SCFD2: variants seen among roughly 807,000 people sequenced by gnomAD.
SCFD2 encodes the protein sec1 family domain containing 2, also known as sec1 family domain-containing protein 2.
A neutral mutation model predicts 58.9 loss-of-function variants in SCFD2; 54 were observed. The ratio of observed to expected loss-of-function variants is 0.92; its 90% CI spans 0.74 to 1.15. SCFD2 has a LOEUF of 1.15. Among genes scored for constraint, SCFD2 ranks in the 50% most tolerant of loss-of-function variants. The probability of loss-of-function intolerance (pLI) is 0.00; values close to 1 mark genes in which losing one functional copy is unlikely to be tolerated. For missense variants in SCFD2, 805 were observed against 836.6 expected (o/e 0.96, Z 0.47); for synonymous variants, 321 against 335.9 (o/e 0.96, Z 0.49).
At chr4:52,907,740 G>C (rs1719382832) in intron 6 of SCFD2, 149 bp from the exon 7 acceptor site, 1 of 660,002 alleles carries the variant, frequency 1.5e-6, no homozygotes, top group South Asian at 2.0e-5. Context: ...GTGTGTGTGT[G>C]TGTCACAGAA....
In SCFD2 at chr4:53,145,596, T is replaced by A. The variant is rs867755740; in HGVS notation, c.1312-14A>T. On this transcript the variant is annotated splice_polypyrimidine_tract_variant and intron_variant, in intron 4 of 8. Coordinates refer to ENST00000401642, the MANE Select transcript of SCFD2 (RefSeq NM_152540.4). ...CTCCCCAATGCTCTAAAATAAAAAATGATATGAAAATATGTCAATCTTGTA... is the reference window on the plus strand; with the variant it reads ...CTCCCCAATGCTCTAAAATAAAAAAAGATATGAAAATATGTCAATCTTGTA... The A allele has an allele frequency of 3.7e-6, 6 of 1,604,864 alleles. No homozygotes were observed. In the Middle Eastern group the frequency reaches 5.0e-4, roughly 133 times the overall value.
At chr4:53,040,961 T>C (rs578194957) in intron 5 of SCFD2, among the ~76,000 whole-genome samples, 7 of 152,304 alleles carry the variant, frequency 4.6e-5, no homozygotes, top group African/African-American at 1.7e-4. Context: ...AGTTTATTCA[T>C]TTCCCTTATT....
At chr4:53,127,943 GTT>G (rs111600729) in intron 5 of SCFD2, among the ~76,000 whole-genome samples, 12 of 87,362 alleles carry the variant, frequency 1.4e-4, no homozygotes, top group Non-Finnish European at 1.9e-4. Context: ...CCAGTTTTTT[GTT>G]TTTTTTTTTT....
rs570480094 is a variant in SCFD2 at position 53,343,644 on chromosome 4, C to T, written c.1007+8954G>A. ...CTGATATTAAAGCCGGGCATAGACACAACCAAAAAAGAGAATTTTAGACCA... is the reference window on the plus strand; with the variant it reads ...CTGATATTAAAGCCGGGCATAGACATAACCAAAAAAGAGAATTTTAGACCA... On this transcript the variant is annotated intron_variant, in intron 2 of 8. Transcript: ENST00000401642. Among the ~76,000 whole-genome samples the T allele has an allele frequency of 1.9e-3, 289 of 152,092 alleles. 2 individuals are homozygous for T. The highest frequency in any genetic ancestry group is 3.5e-3 in the Non-Finnish European group (235 of 68,024).
intron 5 of SCFD2, chr4:52,955,943 C>A (rs576921039): frequency 4.9e-6 from 2 of 405,406 alleles, no homozygotes; most frequent in South Asian, 3.7e-5. Flanking sequence ...AAGATAATCC[C>A]TTACATTAAC....
Position 53,069,756 on chromosome 4 carries a change from A to G in SCFD2, c.1561+75577T>C, listed in dbSNP as rs527756652. ...GACAGTAAAAATCACCTTTAATCCC[A>G]TCATCCCAAAATAGCTGCTACTATT... On this transcript the variant is annotated intron_variant, in intron 5 of 8. Coordinates refer to ENST00000401642, the MANE Select transcript of SCFD2 (RefSeq NM_152540.4). 1.1e-4 allele frequency among the ~76,000 whole-genome samples: 16 copies of G among 152,170 alleles called. No homozygotes were observed. The South Asian group carries it at 3.3e-3, about 32-fold the overall frequency.
chr4:53,225,567 T>A (rs980066072), intron 4 of SCFD2, among the ~76,000 whole-genome samples: 4 of 152,232 alleles, frequency 2.6e-5, no homozygotes, highest in Non-Finnish European at 4.4e-5. Flanking sequence ...TAACACCCTA[T>A]ATAAAATTTT....
intron 5 of SCFD2, among the ~76,000 whole-genome samples, chr4:52,972,636 A>G (rs1425610220): frequency 6.6e-6 from 1 of 152,132 alleles, no homozygotes; most frequent in African/African-American, 2.4e-5. Flanking sequence ...AGGATATCCA[A>G]GAATTGAACT....
chr4:52,900,222 C>A (rs190981303), intron 7 of SCFD2, among the ~76,000 whole-genome samples: 2 of 152,144 alleles, frequency 1.3e-5, no homozygotes, highest in African/African-American at 4.8e-5. Flanking sequence ...GGAGGAGAGG[C>A]GCTCTGATTT....
chr4:53,133,418 C>T (rs527909044), intron 5 of SCFD2, among the ~76,000 whole-genome samples: 9 of 151,100 alleles, frequency 6.0e-5, no homozygotes, highest in Non-Finnish European at 1.2e-4. Context: ...GAGAAAATTA[C>T]TTGGCTAAGT....
At chr4:52,912,210 A>C (rs191650080) in intron 6 of SCFD2, among the ~76,000 whole-genome samples, 4 of 152,180 alleles carry the variant, frequency 2.6e-5, no homozygotes, top group African/African-American at 9.7e-5. Context: ...GATAATGAAC[A>C]TTATAAAAAT....
At chr4:53,110,920 A>T (rs1725151121) in intron 5 of SCFD2, among the ~76,000 whole-genome samples, 1 of 152,232 alleles carries the variant, frequency 6.6e-6, no homozygotes, top group Non-Finnish European at 1.5e-5. Context: ...CACAATAGCA[A>T]AGACTTGGAA....
chr4:53,144,289 T>G (rs1302074119), intron 5 of SCFD2, among the ~76,000 whole-genome samples: 4 of 146,104 alleles, frequency 2.7e-5, no homozygotes. Flanking sequence ...TCTATTTAAT[T>G]AAAAAAAAAA....
chr4:53,082,440 C>T (rs1036360614), intron 5 of SCFD2, among the ~76,000 whole-genome samples: 6 of 152,164 alleles, frequency 3.9e-5, no homozygotes, highest in Admixed American at 2.0e-4. Context: ...ATTTGCATTT[C>T]GCTAGTGGCT....
At chr4:53,239,421 G>GGAGAGA (rs1278047722) in intron 4 of SCFD2, among the ~76,000 whole-genome samples, 4 of 29,254 alleles carry the variant, frequency 1.4e-4, no homozygotes, top group Non-Finnish European at 2.6e-4. Flanking sequence ...AGAGGGAGAG[G>GGAGAGA]AGGGAGAGGA....
chr4:53,306,839 A>G (rs1399472058), intron 3 of SCFD2, among the ~76,000 whole-genome samples: 1 of 152,266 alleles, frequency 6.6e-6, no homozygotes, highest in Non-Finnish European at 1.5e-5. Context: ...AGAAAGTGAC[A>G]TCTGTATTTA....
At chr4:53,018,200 A>G (rs1722259068) in intron 5 of SCFD2, among the ~76,000 whole-genome samples, 1 of 152,202 alleles carries the variant, frequency 6.6e-6, no homozygotes, top group Non-Finnish European at 1.5e-5. Flanking sequence ...TAATCATTTA[A>G]TTGATTTCTG....
At chr4:53,168,717 T>G (rs1304612806) in intron 4 of SCFD2, among the ~76,000 whole-genome samples, 1 of 152,212 alleles carries the variant, frequency 6.6e-6, no homozygotes, top group East Asian at 1.9e-4. Context: ...GCTAACATAT[T>G]CATGATCTCA....
intron 4 of SCFD2, chr4:53,265,562 G>A (rs537475872): frequency 6.6e-6 from 1 of 152,188 alleles, no homozygotes; most frequent in African/African-American, 2.4e-5. Flanking sequence ...CTGCCAAAGA[G>A]AGCACCTAAT....
Sources: allele counts gnomAD v4.1 joint callset (sites outside exome capture counted in the v4.1 genomes callset), GRCh38; gene constraint gnomAD v4.1.1; transcripts MANE v1.5; gene names NCBI Gene and HGNC (gene_info 2026-07-23, HGNC 2026-07-21).